Variants in KRT10 observed in about 807,000 individuals in gnomAD.
The protein encoded by KRT10 is keratin, type I cytoskeletal 10.
A neutral mutation model predicts 59.2 loss-of-function variants in KRT10; 40 were observed. The ratio of observed to expected loss-of-function variants is 0.68; its 90% confidence interval spans 0.52 to 0.88. The LOEUF is 0.88. Ranked by LOEUF, KRT10 falls within the 40% of genes least tolerant of loss-of-function variation. The pLI is 0.00. For missense variants in KRT10, 719 were observed against 749.1 expected (o/e 0.96, Z 0.47); for synonymous variants, 336 against 310.7 (o/e 1.08, Z -0.86).
rs1279389577 is a variant in KRT10, at chr17:40,819,033, C to CCTCCGT, written c.1496_1501dup (p.Gly500_Gly501insAspGly). 3 of 1,379,258 alleles carry CCTCCGT rather than the reference C, an allele frequency of 2.2e-6. No homozygotes were observed. Among genetic ancestry groups the CCTCCGT allele is most frequent in the Admixed American group, 2.6e-5 (1 of 37,752 alleles). The allele number at this position is 1,379,258 out of a possible 1,614,324, so 85.4% of individuals were successfully genotyped here. A position where few individuals can be genotyped will look rare whatever the true frequency, so the allele number is the denominator to read the frequency against. ...GGAGCTTCCGCCGCCGGAGCTTCCG[C>CCTCCGT]CTCCGTAGCCGCCGCCGGAACTGCC... On this transcript the variant is annotated inframe_insertion, in exon 7 of 8. Transcript: ENST00000269576.
In KRT10 at chr17:40,820,654, C is replaced by A. The variant is rs764282663; in HGVS notation, c.724G>T (p.Val242Leu). The A allele has an allele frequency of 2.5e-6, 4 of 1,614,146 alleles. No individual in the cohort carries two copies. Among genetic ancestry groups the A allele is most frequent in the Non-Finnish European group, 3.4e-6 (4 of 1,180,018 alleles). ...GCCTCCACGCTCTGGCGCAGAGCTA[C>A]CTCATTCTCATACCTGAAACAAGCA... The part of the protein sequence containing the change: ...DDFRLKYENE[V>L]ALRQSVEADI... Residue 242 changes from valine to leucine, a missense_variant, in exon 3 of 8, where the codon GTA (valine) becomes TTA (leucine). By Grantham distance (32) the Val-to-Leu change is conservative. Around this residue, in one of 4 missense-constraint regions of KRT10, gnomAD observed 221 missense variants for 277.8 expected, o/e 0.80. Transcript: ENST00000269576.
At position 40,822,270 on chromosome 17, in the gene KRT10, T is replaced by C. The variant is rs1905454990; in HGVS notation, c.316A>G (p.Ser106Gly). 1 of 1,597,110 alleles carries C rather than the reference T, an allele frequency of 6.3e-7. No individual in the cohort carries two copies. The highest frequency in any genetic ancestry group is 8.5e-7 in the Non-Finnish European group (1 of 1,170,030). ...GSYGGIFGGG[S>G]FGGGSFGGGS... ...CCACCAAAGCTGCCACCTCCGAAAC[T>C]GCCCCCTCCAAAGATGCCTCCATAA... The change falls in exon 1 of 8, where the codon AGT (serine) becomes GGT (glycine). Residue 106 changes from serine (S) to glycine (G), a missense_variant. Ser to Gly is a moderately conservative substitution (Grantham distance 56, BLOSUM62 0). This residue lies in a region of KRT10 where 176 missense variants were observed against 175.7 expected (regional missense o/e 1.00). Coordinates refer to ENST00000269576, the MANE Select transcript of KRT10 (RefSeq NM_000421.5).
At chr17:40,819,249 A>C in intron 6 of KRT10, 88 bp from the exon 7 acceptor site, 1 of 1,579,328 alleles carries the variant, frequency 6.3e-7, no homozygotes, top group Non-Finnish European at 8.5e-7. Context: ...GAAAATAAGC[A>C]AAACGTGTTG....
rs1158516720 is a variant in KRT10, at chr17:40,822,479, A to G, written c.107T>C (p.Ile36Thr). Residue 36 changes from isoleucine to threonine, a missense_variant, in exon 1 of 8, where the codon ATT (isoleucine) becomes ACT (threonine). By Grantham distance (89) the Ile-to-Thr change is moderately conservative. This residue lies in a region of KRT10 where 176 missense variants were observed against 175.7 expected (regional missense o/e 1.00). Coordinates refer to ENST00000269576, the MANE Select transcript of KRT10 (RefSeq NM_000421.5). ...GGGGGVSSLR[I>T]SSSKGSLGGG... is the part of the protein sequence containing the mutation. ...ACCAAGGGAGCCTTTGCTGCTAGAA[A>G]TTCTTAGGGATGACACTCCTCCTCC... 2 of 1,613,356 alleles carry G rather than the reference A, an allele frequency of 1.2e-6. No individual in the cohort carries two copies. Among genetic ancestry groups the G allele is most frequent in the Admixed American group, 1.7e-5 (1 of 59,970 alleles).
Position 40,822,188 on chromosome 17 carries a change from C to T in KRT10, c.398G>A (p.Gly133Asp). The change falls in exon 1 of 8, where the codon GGT (glycine) becomes GAT (aspartate). Residue 133 changes from glycine to aspartate, a missense_variant. Physicochemically the swap from Gly to Asp is moderately conservative, Grantham distance 94 (BLOSUM62 -1). Transcript: ENST00000269576. The part of the protein sequence containing the change: ...GGGGFGGGFG[G>D]GFGGDGGLLS... ...AAGGCCACCATCTCCTCCAAATCCA[C>T]CACCAAAGCCTCCTCCAAAGCCGCC... 2 of 1,613,806 alleles carry T rather than the reference C, an allele frequency of 1.2e-6. No individual in the cohort carries two copies. Among genetic ancestry groups the T allele is most frequent in the Non-Finnish European group, 1.7e-6 (2 of 1,179,856 alleles).
In KRT10 at chr17:40,819,606, C is replaced by T; in HGVS notation, c.1284G>A (p.Gln428=). 6.2e-7 allele frequency: 1 copy of T among 1,614,200 alleles called. No homozygotes were observed. The highest frequency in any genetic ancestry group is 8.5e-7 in the Non-Finnish European group (1 of 1,180,038). Residue 428 remains glutamine, a synonymous_variant, in exon 6 of 8, where the codon CAG becomes CAA. Transcript: ENST00000269576. The part of the protein sequence containing the change: ...LQQIRAETEC[Q]NTEYQQLLDI... Reference sequence around the variant, plus strand: ...CCAGGAGTTGTTGGTATTCAGTATTCTGGCACTCGGTTTCAGCTCGAATCT... The same window carrying T: ...CCAGGAGTTGTTGGTATTCAGTATTTTGGCACTCGGTTTCAGCTCGAATCT...
In KRT10 at chr17:40,822,184, T is replaced by C; in HGVS notation, c.402A>G (p.Gly134=). 6.2e-7 allele frequency: 1 copy of C among 1,613,692 alleles called. No homozygotes were observed. The highest frequency in any genetic ancestry group is 1.1e-5 in the South Asian group (1 of 91,034). ...AGAGAAGGCCACCATCTCCTCCAAA[T>C]CCACCACCAAAGCCTCCTCCAAAGC... The part of the protein sequence containing the change: ...GGGFGGGFGG[G]FGGDGGLLSG... Residue 134 remains glycine, a synonymous_variant, in exon 1 of 8, where the codon GGA becomes GGG. Coordinates refer to ENST00000269576, the MANE Select transcript of KRT10 (RefSeq NM_000421.5).
At position 40,819,530 on chromosome 17, in the gene KRT10, C is replaced by A; in HGVS notation, c.1360G>T (p.Glu454Ter). 1 of 1,613,962 alleles carries A rather than the reference C, an allele frequency of 6.2e-7. No individual in the cohort carries two copies. Among genetic ancestry groups the A allele is most frequent in the Non-Finnish European group, 8.5e-7 (1 of 1,179,780 alleles). The stretch of plus-strand genomic sequence containing the variant: ...TTTAAAATTTACCTTCCCTCTCCTT[C>A]TAGCAGGCTGCGGTAGGTTTGAATT... ...NEIQTYRSLL[E>*]GEGSSGGGGR... Residue 454 changes from glutamate to a stop codon, truncating the protein, a stop_gained, in exon 6 of 8, where the codon GAA (glutamate) becomes TAA (stop). Coordinates refer to ENST00000269576, the MANE Select transcript of KRT10 (RefSeq NM_000421.5). LOFTEE classifies it high-confidence loss of function.
chr17:40,821,202 T>G, intron 1 of KRT10, 85 bp from the exon 2 acceptor site: 1 of 979,602 alleles, frequency 1.0e-6, no homozygotes, highest in East Asian at 2.4e-5. Context: ...TGCACTTTTA[T>G]GTTGTTCTCT....
rs71371449 is a variant in KRT10, at chr17:40,818,434, G to A, written c.*42C>T. On this transcript the variant is annotated 3_prime_UTR_variant, in exon 8 of 8. Coordinates refer to ENST00000269576, the MANE Select transcript of KRT10 (RefSeq NM_000421.5). Reference sequence around the variant, plus strand: ...CATAGATGAAAGAACTCTACCGTCGGGCGCCACCTCTTCAATAATTGTCTT... The same window carrying A: ...CATAGATGAAAGAACTCTACCGTCGAGCGCCACCTCTTCAATAATTGTCTT... The A allele has an allele frequency of 5.1e-3, 8,252 of 1,613,194 alleles. 395 individuals are homozygous for A. The African/African-American group carries it at 0.098, about 19-fold the overall frequency.
chr17:40,818,766 C>T, intron 7 of KRT10, 21 bp downstream of exon 7: 1 of 1,574,572 alleles, frequency 6.4e-7, no homozygotes, highest in Non-Finnish European at 8.6e-7. Context: ...ATTCTGATTA[C>T]CCCAGCTAGT....
At position 40,819,040 on chromosome 17, in the gene KRT10, A is replaced by AGCCGCCGCCGGAACTGCCGCCGTG. The variant is rs779118445; in HGVS notation, c.1471_1494dup (p.His491_Gly498dup). 3.0e-6 allele frequency: 4 copies of AGCCGCCGCCGGAACTGCCGCCGTG among 1,336,846 alleles called. No individual in the cohort carries two copies. The highest frequency in any genetic ancestry group is 2.8e-5 in the Admixed American group (1 of 35,718). The allele number at this position is 1,336,846 out of a possible 1,614,324, so 82.8% of individuals were successfully genotyped here. A position where few individuals can be genotyped will look rare whatever the true frequency, so the allele number is the denominator to read the frequency against. On this transcript the variant is annotated inframe_insertion, in exon 7 of 8. Coordinates refer to ENST00000269576, the MANE Select transcript of KRT10 (RefSeq NM_000421.5). Reference sequence around the variant, plus strand: ...CCGCCGCCGGAGCTTCCGCCTCCGTAGCCGCCGCCGGAACTGCCGCCGTGG... The same window carrying AGCCGCCGCCGGAACTGCCGCCGTG: ...CCGCCGCCGGAGCTTCCGCCTCCGTAGCCGCCGCCGGAACTGCCGCCGTGGCCGCCGCCGGAACTGCCGCCGTGG...
chr17:40,822,357 A>G lies in KRT10; in HGVS notation c.229T>C (p.Leu77=). 6.2e-7 allele frequency: 1 copy of G among 1,602,856 alleles called. No individual in the cohort carries two copies. Among genetic ancestry groups the G allele is most frequent in the Non-Finnish European group, 8.5e-7 (1 of 1,174,098 alleles). ...AAGCTACCTCCACCAAAACCTCCTAATCCTCCATAGCCACCTGATGAGCCC... is the reference window on the plus strand; with the variant it reads ...AAGCTACCTCCACCAAAACCTCCTAGTCCTCCATAGCCACCTGATGAGCCC... ...FGGSSGGYGG[L]GGFGGGSFRG... is the part of the protein sequence containing the mutation. The change falls in exon 1 of 8, where the codon TTA becomes CTA. Residue 77 remains leucine (L), a synonymous_variant. Coordinates refer to ENST00000269576, the MANE Select transcript of KRT10 (RefSeq NM_000421.5).
In KRT10 at chr17:40,819,640, T is replaced by A. The variant is rs764382068; in HGVS notation, c.1250A>T (p.Gln417Leu). The change falls in exon 6 of 8, where the codon CAG (glutamine) becomes CTG (leucine). Residue 417 changes from glutamine (Q) to leucine (L), a missense_variant. Gln to Leu is a moderately radical substitution (Grantham distance 113). Transcript: ENST00000269576. The part of the protein sequence containing the change: ...IQAQISALEE[Q>L]LQQIRAETEC... ...GGTTTCAGCTCGAATCTGTTGCAAC[T>A]GTTCTTCCAGAGCGGATATCTGGGC... 6.2e-7 allele frequency: 1 copy of A among 1,614,182 alleles called. No individual in the cohort carries two copies. The highest frequency in any genetic ancestry group is 1.1e-5 in the South Asian group (1 of 91,086).
At chr17:40,819,983 A>G (rs939987070) in intron 5 of KRT10, 66 bp downstream of exon 5, 18 of 1,586,432 alleles carry the variant, frequency 1.1e-5, no homozygotes, top group Admixed American at 8.3e-5. Flanking sequence ...GTTGCATTGC[A>G]TATTCTTAGG....
At chr17:40,821,859 G>A (rs112906738) in intron 1 of KRT10, 100 bp downstream of exon 1, 15 of 1,235,322 alleles carry the variant, frequency 1.2e-5, no homozygotes, top group Non-Finnish European at 1.8e-5. Flanking sequence ...AAGTAACATG[G>A]GTAAGCATAG....
chr17:40,819,726 G>A lies in KRT10; in HGVS notation c.1164C>T (p.Ser388=). 6.2e-7 allele frequency: 1 copy of A among 1,614,096 alleles called. No individual in the cohort carries two copies. Among genetic ancestry groups the A allele is most frequent in the Non-Finnish European group, 8.5e-7 (1 of 1,180,004 alleles). ...CTGTTTCTGCCAAGGAGGCTTCCAG[G>A]GATTGTTTCTGAAACGGATTTTTTT... The part of the protein sequence containing the change: ...ELQSQLALKQ[S]LEASLAETEG... Residue 388 remains serine, a synonymous_variant, in exon 6 of 8, where the codon TCC becomes TCT. Coordinates refer to ENST00000269576, the MANE Select transcript of KRT10 (RefSeq NM_000421.5).
In KRT10 at chr17:40,821,094, A is replaced by G. The variant is rs138435395; in HGVS notation, c.651T>C (p.Asn217=). The G allele has an allele frequency of 1.2e-5, 19 of 1,613,902 alleles. No homozygotes were observed. The African/African-American group carries it at 2.4e-4, about 20-fold the overall frequency. ...KNQILNLTTD[N]ANILLQIDNA... ...TGTCGATCTGAAGCAGGATGTTGGCATTATCAGTTGTTAGGTTGAGAATCT... is the reference window on the plus strand; with the variant it reads ...TGTCGATCTGAAGCAGGATGTTGGCGTTATCAGTTGTTAGGTTGAGAATCT... Residue 217 remains asparagine (N), a synonymous_variant, in exon 2 of 8, where the codon AAT becomes AAC. Transcript: ENST00000269576.
At position 40,818,726 on chromosome 17, in the gene KRT10, C is replaced by CA. The variant is rs913700678; in HGVS notation, c.1748+60dup. The CA allele has an allele frequency of 7.5e-6, 12 of 1,598,574 alleles. No homozygotes were observed. The African/African-American group carries it at 9.4e-5, about 12-fold the overall frequency. On this transcript the variant is annotated intron_variant, in intron 7 of 7. Coordinates refer to ENST00000269576, the MANE Select transcript of KRT10 (RefSeq NM_000421.5). ...TAAAACAACTCTAGAGCTTAAAGCGCAAAAAAACCATCACAGGAAGTTAAA... is the reference window on the plus strand; with the variant it reads ...TAAAACAACTCTAGAGCTTAAAGCGCAAAAAAAACCATCACAGGAAGTTAAA...
Sources: gnomAD v4.1 joint callset for allele counts on GRCh38, gnomAD v4.1.1 for gene constraint, gnomAD v4.1.1 regional missense constraint, MANE v1.5 for transcripts, NCBI Gene and HGNC (gene_info 2026-07-23, HGNC 2026-07-21) for gene names.